GRID2: variants seen among roughly 807,000 people sequenced by gnomAD.
GRID2 encodes glutamate ionotropic receptor delta type subunit 2, also known as glutamate receptor ionotropic, delta-2.
GRID2 carries 33 observed loss-of-function variants against 114.8 expected under a neutral mutation model. That is an observed-to-expected ratio of 0.29 (90% CI 0.22 to 0.38). The LOEUF (loss-of-function observed/expected upper bound fraction) is 0.38. Among genes scored for constraint, GRID2 ranks in the 10% least tolerant of loss-of-function variants. The probability of loss-of-function intolerance (pLI) is 1.00; values close to 1 mark genes in which losing one functional copy is unlikely to be tolerated. For synonymous variants in GRID2, 505 were observed against 449.9 expected, an observed-to-expected ratio of 1.12 and a Z score of -1.55; for missense variants, 1,184 against 1,257.7, an observed-to-expected ratio of 0.94 and a Z score of 0.89.
At chr4:92,646,488 C>T (rs1163553018) in intron 2 of GRID2, among the ~76,000 whole-genome samples, 1 of 151,148 alleles carries the variant, frequency 6.6e-6, no homozygotes, top group Admixed American at 6.6e-5. Context: ...AAAAAAAAAA[C>T]TTGTTCACTC....
intron 2 of GRID2, among the ~76,000 whole-genome samples, chr4:92,981,672 G>T (rs1003677204): frequency 1.6e-4 from 24 of 151,944 alleles, no homozygotes; most frequent in Non-Finnish European, 2.9e-4. Context: ...ATTACTGTTG[G>T]TTGTATTTAT....
intron 2 of GRID2, among the ~76,000 whole-genome samples, chr4:92,994,059 T>C (rs531358802): frequency 6.6e-6 from 1 of 152,264 alleles, no homozygotes; most frequent in South Asian, 2.1e-4. Flanking sequence ...AATGAGATTG[T>C]CTTTGAAGGT....
chr4:93,554,169 T>C (rs971208498), intron 13 of GRID2, among the ~76,000 whole-genome samples: 2 of 152,156 alleles, frequency 1.3e-5, no homozygotes, highest in African/African-American at 2.4e-5. Flanking sequence ...GGATAATATA[T>C]ACAAAAAATA....
chr4:93,386,608 G>C (rs1271779587), intron 8 of GRID2, among the ~76,000 whole-genome samples: 2 of 152,104 alleles, frequency 1.3e-5, no homozygotes, highest in Non-Finnish European at 2.9e-5. Flanking sequence ...CTTCACCTGT[G>C]TTTCATTTTC....
chr4:93,599,443 T>C (rs150660141), intron 13 of GRID2, among the ~76,000 whole-genome samples: 48 of 152,350 alleles, frequency 3.2e-4, no homozygotes, highest in Non-Finnish European at 5.6e-4. Context: ...TTTAGATGAT[T>C]ACAGAAAGTC....
chr4:93,790,711 A>G (rs1320195368), intron 1 of GRID2, among the ~76,000 whole-genome samples: 1 of 152,224 alleles, frequency 6.6e-6, no homozygotes, highest in Non-Finnish European at 1.5e-5. Flanking sequence ...AATAATATGA[A>G]AGAACATACA....
intron 14 of GRID2, among the ~76,000 whole-genome samples, chr4:93,654,778 T>G (rs1194142134): frequency 6.6e-6 from 1 of 152,106 alleles, no homozygotes; most frequent in South Asian, 2.1e-4. Context: ...ATGAGAAAAT[T>G]CCACTGCCCC....
intron 2 of GRID2, among the ~76,000 whole-genome samples, chr4:92,737,160 A>G (rs1315430023): frequency 1.3e-5 from 2 of 152,112 alleles, no homozygotes; most frequent in African/African-American, 4.8e-5. Flanking sequence ...TTTGCCCTAT[A>G]GAATCATAAA....
Position 93,774,004 on chromosome 4 carries a change from T to C in GRID2, c.*1506T>C, listed in dbSNP as rs1248929565. On this transcript the variant is annotated 3_prime_UTR_variant, in exon 16 of 16. Coordinates refer to ENST00000282020, the MANE Select transcript of GRID2 (RefSeq NM_001510.4). Reference sequence around the variant, plus strand: ...AAGTAGGAAGCAAGAACTTATTCTGTGTTTTTACGCAGCCATACACTTACT... The same window carrying C: ...AAGTAGGAAGCAAGAACTTATTCTGCGTTTTTACGCAGCCATACACTTACT... The C allele has an allele frequency of 3.3e-5, 5 of 152,136 alleles. No homozygotes were observed. Among genetic ancestry groups the C allele is most frequent in the Non-Finnish European group, 7.4e-5 (5 of 67,976 alleles). 9.4% of individuals were successfully genotyped at this position (152,136 alleles called of 1,614,324 possible). A position where few individuals can be genotyped will look rare whatever the true frequency, so the allele number is the denominator to read the frequency against.
intron 14 of GRID2, among the ~76,000 whole-genome samples, chr4:93,679,563 A>G (rs1223287900): frequency 6.6e-6 from 1 of 151,028 alleles, no homozygotes; most frequent in Middle Eastern, 3.2e-3. Flanking sequence ...AAGAACAGAA[A>G]TTATAACAAA....
chr4:92,708,892 C>G (rs943807221), intron 2 of GRID2, among the ~76,000 whole-genome samples: 6 of 151,956 alleles, frequency 3.9e-5, no homozygotes, highest in Non-Finnish European at 8.8e-5. Context: ...AGTCTAGCCT[C>G]GGCAACAAGA....
At chr4:93,178,362 T>C (rs1300022888) in intron 4 of GRID2, among the ~76,000 whole-genome samples, 2 of 151,186 alleles carry the variant, frequency 1.3e-5, no homozygotes, top group African/African-American at 4.9e-5. Flanking sequence ...GTGCTTATAT[T>C]GTTTTCCTTG....
intron 2 of GRID2, among the ~76,000 whole-genome samples, chr4:92,756,795 T>G (rs2149342596): frequency 6.6e-6 from 1 of 152,234 alleles, no homozygotes; most frequent in East Asian, 1.9e-4. Context: ...TTTGCGCACT[T>G]TTTAATGTTT....
At chr4:93,127,904 C>A (rs1268768947) in intron 4 of GRID2, among the ~76,000 whole-genome samples, 5 of 151,474 alleles carry the variant, frequency 3.3e-5, no homozygotes, top group Non-Finnish European at 7.4e-5. Flanking sequence ...GCCTGTAGTC[C>A]TAGCTACTCT....
At chr4:92,859,438 T>G (rs1316084967) in intron 2 of GRID2, among the ~76,000 whole-genome samples, 1 of 152,218 alleles carries the variant, frequency 6.6e-6, no homozygotes, top group Admixed American at 6.5e-5. Flanking sequence ...AGCTATATTT[T>G]GGAATTCAAT....
At chr4:93,201,829 G>C (rs1001849028) in intron 4 of GRID2, among the ~76,000 whole-genome samples, 1 of 152,120 alleles carries the variant, frequency 6.6e-6, no homozygotes, top group African/African-American at 2.4e-5. Context: ...ATAAATTGTC[G>C]AGCTTTTCCA....
intron 11 of GRID2, among the ~76,000 whole-genome samples, chr4:93,476,134 T>C (rs1039697126): frequency 6.6e-6 from 1 of 152,172 alleles, no homozygotes; most frequent in African/African-American, 2.4e-5. Context: ...TATTCCTTAT[T>C]CAAACCATGC....
intron 8 of GRID2, among the ~76,000 whole-genome samples, chr4:93,242,954 GTAAT>G: frequency 6.6e-6 from 1 of 152,084 alleles, no homozygotes; most frequent in South Asian, 2.1e-4. Context: ...TTGTCCTTAA[GTAAT>G]AACTCCTGTA....
At chr4:92,973,290 C>G (rs1044272160) in intron 2 of GRID2, among the ~76,000 whole-genome samples, 1 of 152,004 alleles carries the variant, frequency 6.6e-6, no homozygotes, top group Non-Finnish European at 1.5e-5. Flanking sequence ...ATTTTCCCAC[C>G]TTGATGTTTA....
Sources: allele counts gnomAD v4.1 joint callset (sites outside exome capture counted in the v4.1 genomes callset), GRCh38; gene constraint gnomAD v4.1.1; transcripts MANE v1.5; gene names NCBI Gene and HGNC (gene_info 2026-07-23, HGNC 2026-07-21).